The following CNTN6 variants were observed in gnomAD, a reference collection of about 807,000 sequenced individuals.
CNTN6 encodes the protein contactin 6, also known as contactin-6.
In CNTN6, 137 loss-of-function variants were observed where a neutral mutation model predicts 122.8. That is an observed-to-expected ratio of 1.12 (90% confidence interval 0.97 to 1.29). CNTN6 has a LOEUF of 1.29. Ranked by LOEUF, CNTN6 falls within the 50% of genes most tolerant of loss-of-function variation. The probability of loss-of-function intolerance (pLI) is 0.00; values close to 1 mark genes in which losing one functional copy is unlikely to be tolerated. For synonymous variants in CNTN6, 570 were observed against 426.0 expected (o/e 1.34, Z -4.16); for missense variants, 1,634 against 1,223.4 (o/e 1.34, Z -5.01).
At chr3:1,374,221 C>T in intron 16 of CNTN6, 148 bp downstream of exon 16, 3 of 688,232 alleles carry the variant, frequency 4.4e-6, no homozygotes, top group Non-Finnish European at 6.7e-6. Context: ...TTTATTTTTA[C>T]ATACACAAGG....
chr3:1,324,340 T>C (rs536937902), intron 8 of CNTN6, among the ~76,000 whole-genome samples: 1 of 149,766 alleles, frequency 6.7e-6, no homozygotes, highest in South Asian at 2.1e-4. Flanking sequence ...TTGTGCACAA[T>C]TTCGAATCCT....
At chr3:1,161,803 A>C (rs9847442) in intron 2 of CNTN6, among the ~76,000 whole-genome samples, 35 of 143,354 alleles carry the variant, frequency 2.4e-4, no homozygotes, top group African/African-American at 3.2e-4. Flanking sequence ...CACACACACA[A>C]ACATATATAT....
chr3:1,253,605 G>T (rs1390890941), intron 4 of CNTN6, among the ~76,000 whole-genome samples: 1 of 152,112 alleles, frequency 6.6e-6, no homozygotes, highest in Non-Finnish European at 1.5e-5. Context: ...TTTTTCCCCA[G>T]GATGAGGGGT....
At chr3:1,332,025 C>A (rs1234184472) in intron 11 of CNTN6, among the ~76,000 whole-genome samples, 1 of 151,912 alleles carries the variant, frequency 6.6e-6, no homozygotes, top group East Asian at 1.9e-4. Context: ...AGGGAATGAA[C>A]CCTGTGAGTT....
At position 1,389,363 on chromosome 3, in the gene CNTN6, G is replaced by C. The variant is rs528076239; in HGVS notation, c.2704+3566G>C. Among the ~76,000 whole-genome samples the C allele has an allele frequency of 4.5e-4, 69 of 152,136 alleles. No individual in the cohort carries two copies. The South Asian group carries it at 0.014, about 31-fold the overall frequency. On this transcript the variant is annotated intron_variant, in intron 20 of 22. Coordinates refer to ENST00000446702, the MANE Select transcript of CNTN6 (RefSeq NM_001289080.2). ...AATACTTTACAGACAAGCAAATGCTGAGAGATTTTGTCACCACCAGGCCTG... is the reference window on the plus strand; with the variant it reads ...AATACTTTACAGACAAGCAAATGCTCAGAGATTTTGTCACCACCAGGCCTG...
At chr3:1,209,452 T>C (rs934901195) in intron 2 of CNTN6, among the ~76,000 whole-genome samples, 1 of 152,170 alleles carries the variant, frequency 6.6e-6, no homozygotes, top group African/African-American at 2.4e-5. Context: ...GGCCACTGAG[T>C]GTCCAGTCCT....
chr3:1,277,905 A>T (rs1444008937), intron 4 of CNTN6, among the ~76,000 whole-genome samples: 2 of 152,190 alleles, frequency 1.3e-5, no homozygotes, highest in Admixed American at 6.5e-5. Context: ...CCTGCTTTGT[A>T]AAGGAATAAA....
chr3:1,376,321 C>A (rs1400710304), intron 16 of CNTN6, among the ~76,000 whole-genome samples: 1 of 151,976 alleles, frequency 6.6e-6, no homozygotes, highest in African/African-American at 2.4e-5. Context: ...AGTTGAAGGG[C>A]ATAGTTTTTT....
intron 2 of CNTN6, among the ~76,000 whole-genome samples, chr3:1,216,579 G>A (rs1264811385): frequency 6.6e-6 from 1 of 152,108 alleles, no homozygotes; most frequent in Non-Finnish European, 1.5e-5. Flanking sequence ...TCATTTACAG[G>A]AACACTAAAA....
intron 2 of CNTN6, among the ~76,000 whole-genome samples, chr3:1,197,075 CAA>C (rs112361730): frequency 3.9e-5 from 6 of 152,206 alleles, no homozygotes; most frequent in Non-Finnish European, 7.3e-5. Context: ...ATCTCTGAGA[CAA>C]GAGATAATTC....
chr3:1,110,715 C>T (rs770308005), intron 1 of CNTN6, among the ~76,000 whole-genome samples: 1 of 151,948 alleles, frequency 6.6e-6, no homozygotes, highest in Non-Finnish European at 1.5e-5. Context: ...GCAGGTTTGA[C>T]AATGTTGTCA....
In CNTN6 at chr3:1,372,768, G is replaced by C. The variant is rs369621844; in HGVS notation, c.1669-70G>C. On this transcript the variant is annotated intron_variant, in intron 13 of 22. Transcript: ENST00000446702. ...TTGTTTTATGTTTCGTATTTATCCA[G>C]CTGTAACAATAAAGTAGGACTTGTT... 6.3e-5 allele frequency: 57 copies of C among 899,864 alleles called. 1 individual carries two copies. The highest frequency in any genetic ancestry group is 5.1e-4 in the African/African-American group (30 of 59,366). 55.7% of individuals were successfully genotyped at this position (899,864 alleles called of 1,614,324 possible). A position where few individuals can be genotyped will look rare whatever the true frequency, so the allele number is the denominator to read the frequency against.
At chr3:1,323,534 C>T (rs1701142891) in intron 8 of CNTN6, among the ~76,000 whole-genome samples, 1 of 151,722 alleles carries the variant, frequency 6.6e-6, no homozygotes, top group African/African-American at 2.4e-5. Flanking sequence ...GACTCAGTTA[C>T]CTCAGAGTTG....
chr3:1,132,903 A>G (rs1020151776), intron 1 of CNTN6, among the ~76,000 whole-genome samples: 4 of 152,128 alleles, frequency 2.6e-5, no homozygotes, highest in Non-Finnish European at 4.4e-5. Flanking sequence ...CTATCAAGAT[A>G]ACAAGAAGAA....
intron 1 of CNTN6, among the ~76,000 whole-genome samples, chr3:1,127,321 C>T (rs9834342): frequency 0.67 from 102,260 of 151,542 alleles, 35,561 homozygotes; most frequent in African/African-American, 0.85. Flanking sequence ...ATACCAATGA[C>T]AGTATTACAT....
chr3:1,132,756 C>A (rs1048748171), intron 1 of CNTN6, among the ~76,000 whole-genome samples: 5 of 151,730 alleles, frequency 3.3e-5, no homozygotes, highest in African/African-American at 1.2e-4. Context: ...AAGAATTTCA[C>A]TTCTTTCCCT....
At chr3:1,223,375 A>G (rs991316109) in intron 3 of CNTN6, among the ~76,000 whole-genome samples, 2 of 152,216 alleles carry the variant, frequency 1.3e-5, no homozygotes, top group African/African-American at 2.4e-5. Flanking sequence ...AGTAAATTCC[A>G]TACAGCAAAT....
chr3:1,245,267 ATATATATACACACACATATATATAT>A (rs2094556024), intron 4 of CNTN6, among the ~76,000 whole-genome samples: 1 of 4,816 alleles, frequency 2.1e-4, no homozygotes, highest in Non-Finnish European at 4.1e-4. Flanking sequence ...ACATATATAT[ATATATATACACACACATATATATAT>A]AACATATATA....
chr3:1,228,630 G>A (rs758144990), intron 4 of CNTN6, among the ~76,000 whole-genome samples: 2 of 152,144 alleles, frequency 1.3e-5, no homozygotes, highest in Non-Finnish European at 2.9e-5. Context: ...TTCAGCAAAA[G>A]CCTTGCTTGA....
Sources: allele counts gnomAD v4.1 joint callset (sites outside exome capture counted in the v4.1 genomes callset), GRCh38; gene constraint gnomAD v4.1.1; transcripts MANE v1.5; gene names NCBI Gene and HGNC (gene_info 2026-07-23, HGNC 2026-07-21).